The following OSBPL8 variants were observed in gnomAD, a reference collection of about 807,000 sequenced individuals.
The protein encoded by OSBPL8 is oxysterol binding protein like 8.
OSBPL8 carries 59 observed loss-of-function variants against 125.5 expected under a neutral mutation model. The ratio of observed to expected loss-of-function variants is 0.47; its 90% CI spans 0.38 to 0.58. OSBPL8 has a LOEUF of 0.58. OSBPL8 is among the 20% of genes least tolerant of loss of function. The probability of loss-of-function intolerance (pLI) is 0.00; values close to 1 mark genes in which losing one functional copy is unlikely to be tolerated. For missense variants in OSBPL8, 758 were observed against 1,047.8 expected, an observed-to-expected ratio of 0.72 and a Z score of 3.82; for synonymous variants, 330 against 338.9, an observed-to-expected ratio of 0.97 and a Z score of 0.29.
intron 1 of OSBPL8, among the ~76,000 whole-genome samples, chr12:76,488,770 T>C (rs1392350069): frequency 6.6e-6 from 1 of 152,164 alleles, no homozygotes; most frequent in Non-Finnish European, 1.5e-5. Context: ...ACAATAATAT[T>C]GAAATTAGTC....
intron 1 of OSBPL8, among the ~76,000 whole-genome samples, chr12:76,543,970 A>G (rs943266082): frequency 1.3e-5 from 2 of 152,216 alleles, no homozygotes; most frequent in Non-Finnish European, 2.9e-5. Context: ...CATACGAAGA[A>G]TAATTCATTC....
chr12:76,553,802 C>G (rs1397778325), intron 1 of OSBPL8, among the ~76,000 whole-genome samples: 2 of 151,318 alleles, frequency 1.3e-5, no homozygotes, highest in Non-Finnish European at 2.9e-5. Context: ...ATGGTGAAAC[C>G]CCATCTCTAC....
chr12:76,558,662 T>G (rs560359089), intron 1 of OSBPL8, among the ~76,000 whole-genome samples: 16 of 152,264 alleles, frequency 1.1e-4, no homozygotes, highest in Non-Finnish European at 2.2e-4. Context: ...GGTTACGTTC[T>G]GCAACGCAGA....
chr12:76,362,723 G>T (rs985386151), intron 21 of OSBPL8, among the ~76,000 whole-genome samples: 1 of 151,720 alleles, frequency 6.6e-6, no homozygotes, highest in South Asian at 2.1e-4. Context: ...ATTCAAATAG[G>T]AGAAGAGGAA....
chr12:76,421,606 T>C (rs1015960819), intron 4 of OSBPL8, among the ~76,000 whole-genome samples: 6 of 152,106 alleles, frequency 3.9e-5, no homozygotes, highest in Admixed American at 6.6e-5. Flanking sequence ...GGGAATTTAA[T>C]TCAACAAAAT....
chr12:76,554,681 A>G (rs1396023943), intron 1 of OSBPL8, among the ~76,000 whole-genome samples: 1 of 152,226 alleles, frequency 6.6e-6, no homozygotes, highest in Non-Finnish European at 1.5e-5. Context: ...AATATGACCT[A>G]TAACAATTTC....
intron 1 of OSBPL8, among the ~76,000 whole-genome samples, chr12:76,556,943 C>A (rs904479874): frequency 6.6e-6 from 1 of 152,136 alleles, no homozygotes; most frequent in Non-Finnish European, 1.5e-5. Flanking sequence ...GCATTACAGG[C>A]GTGAGCCACC....
intron 4 of OSBPL8, among the ~76,000 whole-genome samples, chr12:76,412,713 A>AC (rs1466112023): frequency 4.6e-5 from 7 of 151,856 alleles, no homozygotes; most frequent in African/African-American, 1.7e-4. Flanking sequence ...CCACACACAC[A>AC]AAAAAATTAA....
At chr12:76,519,005 T>C (rs368151104) in intron 1 of OSBPL8, among the ~76,000 whole-genome samples, 12 of 152,344 alleles carry the variant, frequency 7.9e-5, no homozygotes, top group African/African-American at 2.2e-4. Flanking sequence ...CTAATCACTC[T>C]AGCAAGTGGT....
intron 1 of OSBPL8, among the ~76,000 whole-genome samples, chr12:76,539,785 A>C (rs1020712739): frequency 6.6e-6 from 1 of 152,180 alleles, no homozygotes; most frequent in Admixed American, 6.5e-5. Context: ...CACTTATACA[A>C]GAAGATAGCA....
chr12:76,519,897 C>T (rs58210178), intron 1 of OSBPL8, among the ~76,000 whole-genome samples: 7,010 of 152,264 alleles, frequency 0.046, 584 homozygotes, highest in African/African-American at 0.16. Context: ...TCACTTTCTA[C>T]CAGGCTCCAC....
chr12:76,505,950 G>C (rs1880370708), intron 1 of OSBPL8, among the ~76,000 whole-genome samples: 1 of 152,180 alleles, frequency 6.6e-6, no homozygotes, highest in East Asian at 1.9e-4. Context: ...AGGATCATTT[G>C]GGCTACTAAT....
intron 1 of OSBPL8, among the ~76,000 whole-genome samples, chr12:76,514,913 T>C (rs1881380909): frequency 6.6e-6 from 1 of 152,256 alleles, no homozygotes; most frequent in Non-Finnish European, 1.5e-5. Context: ...GATCTGAGAT[T>C]CTTTCCTCAG....
chr12:76,464,706 G>T (rs1483834420), intron 2 of OSBPL8, among the ~76,000 whole-genome samples: 1 of 152,114 alleles, frequency 6.6e-6, no homozygotes, highest in African/African-American at 2.4e-5. Context: ...CTATAGTTTT[G>T]ATTCCATCCC....
intron 1 of OSBPL8, among the ~76,000 whole-genome samples, chr12:76,524,760 T>C (rs1251611575): frequency 4.0e-5 from 6 of 151,644 alleles, no homozygotes; most frequent in Admixed American, 2.0e-4. Context: ...CCTGGCTCAC[T>C]GCAACCTCCG....
chr12:76,537,612 T>C (rs1238896160), intron 1 of OSBPL8, among the ~76,000 whole-genome samples: 7 of 152,008 alleles, frequency 4.6e-5, no homozygotes, highest in African/African-American at 9.7e-5. Flanking sequence ...AGAAATAAAA[T>C]ATTAAAGGAC....
chr12:76,522,411 A>G (rs1882148031), intron 1 of OSBPL8, among the ~76,000 whole-genome samples: 1 of 151,838 alleles, frequency 6.6e-6, no homozygotes, highest in Non-Finnish European at 1.5e-5. Context: ...TGGTGTTGAG[A>G]GGTGGTCCTG....
chr12:76,514,192 C>A (rs544879746), intron 1 of OSBPL8, among the ~76,000 whole-genome samples: 1 of 152,016 alleles, frequency 6.6e-6, no homozygotes, highest in African/African-American at 2.4e-5. Flanking sequence ...TCACCCAGGC[C>A]GGGCTGCAGT....
intron 5 of OSBPL8, among the ~76,000 whole-genome samples, chr12:76,409,232 A>G (rs1251572838): frequency 6.6e-6 from 1 of 152,194 alleles, no homozygotes; most frequent in African/African-American, 2.4e-5. Context: ...AGCAGGCCAC[A>G]ATATAATTCT....
Sources: allele counts gnomAD v4.1 joint callset (sites outside exome capture counted in the v4.1 genomes callset), GRCh38; gene constraint gnomAD v4.1.1; transcripts MANE v1.5; gene names NCBI Gene and HGNC (gene_info 2026-07-23, HGNC 2026-07-21).